PLXDC2: variants seen among roughly 807,000 people sequenced by gnomAD.
The protein encoded by PLXDC2 is plexin domain containing 2.
PLXDC2 carries 40 observed loss-of-function variants against 68.9 expected under a neutral mutation model. The observed-to-expected ratio is 0.58, with a 90% CI of 0.45 to 0.76. The LOEUF (loss-of-function observed/expected upper bound fraction) is 0.76, where lower values mean the gene tolerates loss of function less well. Among genes scored for constraint, PLXDC2 ranks in the 30% least tolerant of loss-of-function variants. The probability of loss-of-function intolerance (pLI) is 0.00; values close to 1 mark genes in which losing one functional copy is unlikely to be tolerated. For synonymous variants in PLXDC2, 243 were observed against 234.2 expected, an observed-to-expected ratio of 1.04 and a Z score of -0.34; for missense variants, 644 against 661.9, an observed-to-expected ratio of 0.97 and a Z score of 0.30.
At chr10:19,866,021 G>GA (rs1554841008) in intron 1 of PLXDC2, among the ~76,000 whole-genome samples, 2 of 152,088 alleles carry the variant, frequency 1.3e-5, no homozygotes, top group Non-Finnish European at 2.9e-5. Context: ...CATTGCCAAT[G>GA]AAAAAAATAA....
At chr10:19,941,218 C>T (rs891454036) in intron 1 of PLXDC2, among the ~76,000 whole-genome samples, 6 of 152,138 alleles carry the variant, frequency 3.9e-5, no homozygotes, top group Non-Finnish European at 8.8e-5. Context: ...AAGGCAGTAC[C>T]GTGTGAGTCT....
intron 9 of PLXDC2, among the ~76,000 whole-genome samples, chr10:20,195,336 T>A (rs1834823399): frequency 6.6e-6 from 1 of 152,060 alleles, no homozygotes; most frequent in African/African-American, 2.4e-5. Context: ...ATGCTAACCT[T>A]CTTAATCCAC....
intron 4 of PLXDC2, among the ~76,000 whole-genome samples, chr10:20,141,659 A>G (rs1408055264): frequency 6.6e-6 from 1 of 152,072 alleles, no homozygotes; most frequent in East Asian, 1.9e-4. Context: ...GAAAAAATAG[A>G]GACCCTGGAA....
At chr10:19,848,605 G>T (rs1837056898) in intron 1 of PLXDC2, among the ~76,000 whole-genome samples, 1 of 152,288 alleles carries the variant, frequency 6.6e-6, no homozygotes, top group Middle Eastern at 3.4e-3. Context: ...CTTACCAAAA[G>T]TACCAAAAGA....
chr10:19,899,540 G>A (rs372338991), intron 1 of PLXDC2, among the ~76,000 whole-genome samples: 5 of 152,030 alleles, frequency 3.3e-5, no homozygotes, highest in East Asian at 3.9e-4. Flanking sequence ...ATCTTATCAC[G>A]CCTCAGAAAG....
At chr10:20,270,942 TA>T (rs34934677) in intron 13 of PLXDC2, among the ~76,000 whole-genome samples, 165 of 140,154 alleles carry the variant, frequency 1.2e-3, no homozygotes, top group Middle Eastern at 3.6e-3. Context: ...TTGGGTATCT[TA>T]AAAAAAAAAA....
intron 9 of PLXDC2, among the ~76,000 whole-genome samples, chr10:20,196,333 A>T (rs1038421684): frequency 6.6e-6 from 1 of 152,088 alleles, no homozygotes; most frequent in Non-Finnish European, 1.5e-5. Context: ...TTTCATGTGG[A>T]TTTTCTCTAT....
At chr10:19,957,625 G>C (rs1204718835) in intron 1 of PLXDC2, among the ~76,000 whole-genome samples, 1 of 152,018 alleles carries the variant, frequency 6.6e-6, no homozygotes, top group Non-Finnish European at 1.5e-5. Context: ...TCCTCATGAT[G>C]GGCATGTCAG....
chr10:20,196,751 T>C (rs1326111953), intron 9 of PLXDC2, among the ~76,000 whole-genome samples: 1 of 152,182 alleles, frequency 6.6e-6, no homozygotes, highest in Non-Finnish European at 1.5e-5. Flanking sequence ...ATGTGAAAAT[T>C]GTATAACAGA....
At chr10:20,109,561 G>A (rs1833532086) in intron 4 of PLXDC2, among the ~76,000 whole-genome samples, 1 of 152,098 alleles carries the variant, frequency 6.6e-6, no homozygotes. Flanking sequence ...GTGTTTGTAA[G>A]CTTAGCTCCA....
chr10:20,166,285 G>A (rs1018243706), intron 7 of PLXDC2, among the ~76,000 whole-genome samples: 3 of 152,108 alleles, frequency 2.0e-5, no homozygotes, highest in Non-Finnish European at 4.4e-5. Flanking sequence ...GCATTGATAC[G>A]TGGTGGTTCT....
chr10:20,255,068 A>T lies in PLXDC2; in HGVS notation c.1473+9563A>T, dbSNP rs192126109. Among the ~76,000 whole-genome samples, 28 of 152,296 alleles carry T rather than the reference A, an allele frequency of 1.8e-4. 1 individual carries two copies. Among genetic ancestry groups the T allele is most frequent in the Admixed American group, 1.7e-3 (26 of 15,294 alleles). On this transcript the variant is annotated intron_variant, in intron 13 of 13. Transcript: ENST00000377252. ...GGAGAATTACTGAAAATACTGAATA[A>T]AATATCTTATACTAATTTGCTGTAA...
At chr10:19,826,554 A>T (rs1391784933) in intron 1 of PLXDC2, among the ~76,000 whole-genome samples, 1 of 152,198 alleles carries the variant, frequency 6.6e-6, no homozygotes, top group African/African-American at 2.4e-5. Flanking sequence ...TGTGAGGTTA[A>T]AACAAATTTT....
At chr10:20,085,924 C>T (rs1204022439) in intron 4 of PLXDC2, among the ~76,000 whole-genome samples, 1 of 152,196 alleles carries the variant, frequency 6.6e-6, no homozygotes, top group Non-Finnish European at 1.5e-5. Context: ...GGCATAAATT[C>T]CTACAGCTGC....
intron 3 of PLXDC2, among the ~76,000 whole-genome samples, chr10:20,060,069 G>T (rs1389629629): frequency 6.6e-6 from 1 of 151,978 alleles, no homozygotes; most frequent in Non-Finnish European, 1.5e-5. Flanking sequence ...GTCTTGCTCT[G>T]TCACCCAGGC....
chr10:19,906,373 A>T (rs1057418600), intron 1 of PLXDC2, among the ~76,000 whole-genome samples: 1 of 152,212 alleles, frequency 6.6e-6, no homozygotes, highest in Non-Finnish European at 1.5e-5. Flanking sequence ...CAGGAGGAAG[A>T]TGAGCAAAAG....
intron 1 of PLXDC2, among the ~76,000 whole-genome samples, chr10:19,858,885 G>A (rs551133879): frequency 6.6e-6 from 1 of 152,156 alleles, no homozygotes; most frequent in African/African-American, 2.4e-5. Context: ...CAGAAAAGAG[G>A]CTTATTTGGT....
At chr10:19,872,204 A>G (rs1253491470) in intron 1 of PLXDC2, among the ~76,000 whole-genome samples, 1 of 152,230 alleles carries the variant, frequency 6.6e-6, no homozygotes, top group Non-Finnish European at 1.5e-5. Flanking sequence ...GACATCTGCA[A>G]AGGCAACGCA....
chr10:19,870,930 T>C (rs973569313), intron 1 of PLXDC2, among the ~76,000 whole-genome samples: 3 of 152,188 alleles, frequency 2.0e-5, no homozygotes, highest in African/African-American at 7.2e-5. Flanking sequence ...ATCAGGTAGA[T>C]TCTGCGATTA....
Sources: gnomAD v4.1 joint callset for allele counts (sites outside exome capture counted in the v4.1 genomes callset) on GRCh38, gnomAD v4.1.1 for gene constraint, MANE v1.5 for transcripts, NCBI Gene and HGNC (gene_info 2026-07-23, HGNC 2026-07-21) for gene names.